Variants in NAB1 observed in about 807,000 individuals in gnomAD.
The protein encoded by NAB1 is NGFI-A-binding protein 1.
A neutral mutation model predicts 49.9 loss-of-function variants in NAB1; 25 were observed. The observed-to-expected ratio is 0.50, with a 90% CI of 0.37 to 0.70. The LOEUF (loss-of-function observed/expected upper bound fraction) is 0.70. NAB1 is among the 30% of genes least tolerant of loss of function. The pLI is 0.00. For synonymous variants in NAB1, 198 were observed against 215.6 expected, an observed-to-expected ratio of 0.92 and a Z score of 0.71; for missense variants, 489 against 575.9, an observed-to-expected ratio of 0.85 and a Z score of 1.54.
At chr2:190,660,273 G>A (rs571436998) in intron 4 of NAB1, among the ~76,000 whole-genome samples, 1 of 152,310 alleles carries the variant, frequency 6.6e-6, no homozygotes, top group Non-Finnish European at 1.5e-5. Context: ...AAAGCGTAAA[G>A]TCTTTGCATT....
Position 190,659,457 on chromosome 2 carries a change from T to C in NAB1, c.281T>C (p.Ile94Thr). The C allele has an allele frequency of 6.2e-7, 1 of 1,614,190 alleles. No individual in the cohort carries two copies. The highest frequency in any genetic ancestry group is 8.5e-7 in the Non-Finnish European group (1 of 1,180,026). ...CTGACTTCCCTTCCTGTCAGTAGCA[T>C]ACCCATCTATAAATTACCAGAGGGA... ...QPLTSLPVSS[I>T]PIYKLPEGSP... The change falls in exon 4 of 10, where the codon ATA becomes ACA. Residue 94 changes from isoleucine (I) to threonine (T), a missense_variant. Transcript: ENST00000337386. The surrounding 1 kb of genome is among the most constrained non-coding windows in gnomAD (Gnocchi z 6.2).
rs1695182549 is a variant in NAB1 at position 190,678,568 on chromosome 2, A to G, written c.1006-5170A>G. Among the ~76,000 whole-genome samples the G allele has an allele frequency of 6.6e-6, 1 of 151,938 alleles. No homozygotes were observed. Among genetic ancestry groups the G allele is most frequent in the Non-Finnish European group, 1.5e-5 (1 of 67,976 alleles). ...GGAGTCAGAGGTGCAAAGCATTCAG[A>G]GATAAGTGGATGAAAGAAATGAGGT... On this transcript the variant is annotated intron_variant, in intron 6 of 9. Coordinates refer to ENST00000337386, the MANE Select transcript of NAB1 (RefSeq NM_005966.4). This position sits in a 1 kb window ranked among gnomAD's most constrained non-coding sequence, Gnocchi z 4.9.
At position 190,673,157 on chromosome 2, in the gene NAB1, G is replaced by A. The variant is rs1694904530; in HGVS notation, c.1005+5G>A. The A allele has an allele frequency of 1.2e-6, 2 of 1,609,794 alleles. No homozygotes were observed. The highest frequency in any genetic ancestry group is 2.7e-5 in the African/African-American group (2 of 74,716). ...CCAAAGAGAATTAAAGTGGAGGTAT[G>A]GTCATATGTTACATTTTCTTATGCT... On this transcript the variant is annotated splice_donor_5th_base_variant and intron_variant, in intron 6 of 9. Transcript: ENST00000337386.
rs149297711 is a variant in NAB1, at chr2:190,659,929, A to G, written c.753A>G (p.Lys251=). The G allele has an allele frequency of 2.9e-4, 472 of 1,614,118 alleles. 2 individuals are homozygous for G. The highest frequency in any genetic ancestry group is 1.5e-4 in the Admixed American group (9 of 59,998). The change falls in exon 4 of 10, where the codon AAA becomes AAG. Residue 251 remains lysine (K), a synonymous_variant. Coordinates refer to ENST00000337386, the MANE Select transcript of NAB1 (RefSeq NM_005966.4). The surrounding 1 kb of genome is among the most constrained non-coding windows in gnomAD (Gnocchi z 6.2). ...DDPHKEEEIR[K]YSAIYGRFDS... ...CACACAAAGAGGAGGAAATTCGGAAATACAGTGCAATATATGGCAGATTTG... is the reference window on the plus strand; with the variant it reads ...CACACAAAGAGGAGGAAATTCGGAAGTACAGTGCAATATATGGCAGATTTG...
chr2:190,658,125 T>A (rs1204063308), intron 3 of NAB1, among the ~76,000 whole-genome samples: 1 of 152,206 alleles, frequency 6.6e-6, no homozygotes, highest in East Asian at 1.9e-4. Flanking sequence ...AAAACAGACT[T>A]CTTTGTCTTG....
At position 190,670,329 on chromosome 2, in the gene NAB1, A is replaced by G; in HGVS notation, c.823A>G (p.Thr275Ala). ...AAACTCTGTTTTGGATATCCAGCTCACTGTTAATGAAGCGGCTGCTCAACT... is the reference window on the plus strand; with the variant it reads ...AAACTCTGTTTTGGATATCCAGCTCGCTGTTAATGAAGCGGCTGCTCAACT... ...DGKHLTLHEL[T>A]VNEAAAQLCV... Residue 275 changes from threonine to alanine, a missense_variant, in exon 5 of 10, where the codon ACT (threonine) becomes GCT (alanine). This residue lies in a region of NAB1 where 38 missense variants were observed against 70.1 expected (regional missense o/e 0.54). Transcript: ENST00000337386. The surrounding 1 kb of genome is among the most constrained non-coding windows in gnomAD (Gnocchi z 5.3). 1 of 1,605,512 alleles carries G rather than the reference A, an allele frequency of 6.2e-7. No homozygotes were observed. Among genetic ancestry groups the G allele is most frequent in the African/African-American group, 1.3e-5 (1 of 74,558 alleles).
rs967692446 is a variant in NAB1, at chr2:190,660,090, A to G, written c.819+95A>G. ...TAATAGTTTGCCACAAATGTGATAC[A>G]CTACCTGAAAGCAGTATTAAAAACA... On this transcript the variant is annotated intron_variant, in intron 4 of 9. Transcript: ENST00000337386. The G allele has an allele frequency of 6.5e-6, 7 of 1,080,894 alleles. No individual in the cohort carries two copies. The African/African-American group carries it at 8.0e-5, about 12-fold the overall frequency. The allele number at this position is 1,080,894 out of a possible 1,614,324, so 67.0% of individuals were successfully genotyped here.
Position 190,691,237 on chromosome 2 carries a change from C to T in NAB1, c.*904C>T, listed in dbSNP as rs116473014. 1 of 147,564 alleles carries T rather than the reference C, an allele frequency of 6.8e-6. No individual in the cohort carries two copies. The highest frequency in any genetic ancestry group is 1.5e-5 in the Non-Finnish European group (1 of 64,966). 9.1% of individuals were successfully genotyped at this position (147,564 alleles called of 1,614,324 possible). A position where few individuals can be genotyped will look rare whatever the true frequency, so the allele number is the denominator to read the frequency against. On this transcript the variant is annotated 3_prime_UTR_variant, in exon 10 of 10. Transcript: ENST00000337386. The surrounding 1 kb of genome is among the most constrained non-coding windows in gnomAD (Gnocchi z 4.1). ...ATGTTATAAAGATGGCGACTGTTAA[C>T]AAAGGCTGTAACAGATTAAGTACTA...
rs1460072174 is a variant in NAB1, at chr2:190,652,372, ATGGT to A, written c.-197+2400_-197+2403del. Among the ~76,000 whole-genome samples the A allele has an allele frequency of 2.0e-5, 3 of 152,172 alleles. No homozygotes were observed. The highest frequency in any genetic ancestry group is 4.8e-5 in the African/African-American group (2 of 41,434). Reference sequence around the variant, plus strand: ...TACTTAATGTTTGTTGAATGACTTGATGGTTGGTTGGTTAAGAATTTCCAGCCAT... The same window carrying A: ...TACTTAATGTTTGTTGAATGACTTGATGGTTGGTTAAGAATTTCCAGCCAT... On this transcript the variant is annotated intron_variant, in intron 2 of 9. Coordinates refer to ENST00000337386, the MANE Select transcript of NAB1 (RefSeq NM_005966.4). The surrounding 1 kb of genome is among the most constrained non-coding windows in gnomAD (Gnocchi z 4.2).
rs545013152 is a variant in NAB1, at chr2:190,650,046, A to C, written c.-197+64A>C. 5.3e-5 allele frequency: 8 copies of C among 152,340 alleles called. No homozygotes were observed. The East Asian group carries it at 1.3e-3, about 26-fold the overall frequency. 9.4% of individuals were successfully genotyped at this position (152,340 alleles called of 1,614,324 possible). A position where few individuals can be genotyped will look rare whatever the true frequency, so the allele number is the denominator to read the frequency against. On this transcript the variant is annotated intron_variant, in intron 2 of 9. Coordinates refer to ENST00000337386, the MANE Select transcript of NAB1 (RefSeq NM_005966.4). ...ATACTATCAAATCTTTGTGGTCTGC[A>C]AACTCAGAGCTTCCAAAGCTTGAGA...
rs561160493 is a variant in NAB1 at position 190,669,583 on chromosome 2, A to G, written c.820-743A>G. Among the ~76,000 whole-genome samples, 14 of 152,318 alleles carry G rather than the reference A, an allele frequency of 9.2e-5. No individual in the cohort carries two copies. Among genetic ancestry groups the G allele is most frequent in the African/African-American group, 3.1e-4 (13 of 41,580 alleles). On this transcript the variant is annotated intron_variant, in intron 4 of 9. Coordinates refer to ENST00000337386, the MANE Select transcript of NAB1 (RefSeq NM_005966.4). The surrounding 1 kb of genome is among the most constrained non-coding windows in gnomAD (Gnocchi z 4.3). ...GGCTAAGTACATCTTTTGCATATTA[A>G]AAAAGTCTGATATACCTCTTGACAG... is the stretch of plus-strand genomic sequence containing the variant.
Position 190,676,884 on chromosome 2 carries a change from AT to A in NAB1, c.1005+3737del, listed in dbSNP as rs1197428628. On this transcript the variant is annotated intron_variant, in intron 6 of 9. Transcript: ENST00000337386. This position sits in a 1 kb window ranked among gnomAD's most constrained non-coding sequence, Gnocchi z 4.6. ...TGGCTTTTTCCATCTTAAAAACATA[AT>A]TTTTACAGGGAACAAAAAGAAATGT... The A allele has an allele frequency of 6.6e-6, 1 of 152,198 alleles. No individual in the cohort carries two copies. Among genetic ancestry groups the A allele is most frequent in the Non-Finnish European group, 1.5e-5 (1 of 68,028 alleles). 9.4% of individuals were successfully genotyped at this position (152,198 alleles called of 1,614,324 possible).
Position 190,659,152 on chromosome 2 carries a change from T to TTG in NAB1, c.-19-6_-19-5insTG. 2.0e-6 allele frequency: 3 copies of TTG among 1,490,624 alleles called. No homozygotes were observed. The highest frequency in any genetic ancestry group is 2.6e-5 in the South Asian group (2 of 76,332). 92.3% of individuals were successfully genotyped at this position (1,490,624 alleles called of 1,614,324 possible). A position where few individuals can be genotyped will look rare whatever the true frequency, so the allele number is the denominator to read the frequency against. On this transcript the variant is annotated splice_region_variant and splice_polypyrimidine_tract_variant and intron_variant, in intron 3 of 9. Coordinates refer to ENST00000337386, the MANE Select transcript of NAB1 (RefSeq NM_005966.4). The surrounding 1 kb of genome is among the most constrained non-coding windows in gnomAD (Gnocchi z 6.2). ...GAGTTTTTACTTTTTTTTTTTTTTTTGGCAGGTTAAACCCATCCAGAGTAA... is the reference window on the plus strand; with the variant it reads ...GAGTTTTTACTTTTTTTTTTTTTTTTTGGGCAGGTTAAACCCATCCAGAGTAA...
In NAB1 at chr2:190,670,429, T is replaced by C; in HGVS notation, c.923T>C (p.Val308Ala). The change falls in exon 5 of 10, where the codon GTC (valine) becomes GCC (alanine). Residue 308 changes from valine (V) to alanine (A), a missense_variant. Coordinates refer to ENST00000337386, the MANE Select transcript of NAB1 (RefSeq NM_005966.4). The surrounding 1 kb of genome is among the most constrained non-coding windows in gnomAD (Gnocchi z 5.3). ...FALARQISRE[V>A]TYKYTYRTTK... ...TTGGCTCGACAGATTTCTCGAGAAGTCACCTATAAATATACTTACAGAACC... is the reference window on the plus strand; with the variant it reads ...TTGGCTCGACAGATTTCTCGAGAAGCCACCTATAAATATACTTACAGAACC... The C allele has an allele frequency of 6.2e-7, 1 of 1,613,972 alleles. No individual in the cohort carries two copies. Among genetic ancestry groups the C allele is most frequent in the East Asian group, 2.2e-5 (1 of 44,864 alleles).
At position 190,670,176 on chromosome 2, in the gene NAB1, G is replaced by C; in HGVS notation, c.820-150G>C. ...GGTTTTCTTCTGAAATTCGGCATTA[G>C]GAATAATTAGGAATAAATACCATTC... is the stretch of plus-strand genomic sequence containing the variant. On this transcript the variant is annotated intron_variant, in intron 4 of 9. Transcript: ENST00000337386. The surrounding 1 kb of genome is among the most constrained non-coding windows in gnomAD (Gnocchi z 5.3). 1.3e-6 allele frequency: 1 copy of C among 750,122 alleles called. No homozygotes were observed. Among genetic ancestry groups the C allele is most frequent in the South Asian group, 2.9e-5 (1 of 34,786 alleles). 46.5% of individuals were successfully genotyped at this position (750,122 alleles called of 1,614,324 possible).
chr2:190,688,545 A>C (rs1482880636), intron 9 of NAB1, among the ~76,000 whole-genome samples: 1 of 152,234 alleles, frequency 6.6e-6, no homozygotes, highest in Non-Finnish European at 1.5e-5. Flanking sequence ...GTGATCTTTA[A>C]AGTTTTTTCA....
rs1423677321 is a variant in NAB1, at chr2:190,677,537, T to G, written c.1005+4385T>G. 1 of 152,228 alleles carries G rather than the reference T, an allele frequency of 6.6e-6. No homozygotes were observed. The highest frequency in any genetic ancestry group is 2.1e-4 in the South Asian group (1 of 4,834). The allele number at this position is 152,228 out of a possible 1,614,324, so 9.4% of individuals were successfully genotyped here. A position where few individuals can be genotyped will look rare whatever the true frequency, so the allele number is the denominator to read the frequency against. ...CTTTCAGCTGAAATGAAAATAGATT[T>G]TGTTTATTCTTACTTATCTTTTGAA... On this transcript the variant is annotated intron_variant, in intron 6 of 9. Transcript: ENST00000337386. This position sits in a 1 kb window ranked among gnomAD's most constrained non-coding sequence, Gnocchi z 5.6.
Position 190,678,964 on chromosome 2 carries a change from G to T in NAB1, c.1006-4774G>T, listed in dbSNP as rs890617186. 1.3e-5 allele frequency among the ~76,000 whole-genome samples: 2 copies of T among 152,214 alleles called. No individual in the cohort carries two copies. The highest frequency in any genetic ancestry group is 1.3e-4 in the Admixed American group (2 of 15,288). ...AGTGTTCGGCAGAAAGGATGAGGAG[G>T]CATGGGGATGGAGACCAATGGGATG... On this transcript the variant is annotated intron_variant, in intron 6 of 9. Transcript: ENST00000337386. This position sits in a 1 kb window ranked among gnomAD's most constrained non-coding sequence, Gnocchi z 4.9.
At chr2:190,656,504 C>T (rs1050032086) in intron 3 of NAB1, among the ~76,000 whole-genome samples, 2 of 152,090 alleles carry the variant, frequency 1.3e-5, no homozygotes, top group African/African-American at 4.8e-5. Flanking sequence ...CTCCAGGGAC[C>T]GAATTGGTTA....
Sources: allele counts gnomAD v4.1 joint callset (sites outside exome capture counted in the v4.1 genomes callset), GRCh38; gene constraint gnomAD v4.1.1; regional missense constraint gnomAD v4.1.1; non-coding constraint Gnocchi (gnomAD v3.1); transcripts MANE v1.5; gene names NCBI Gene and HGNC (gene_info 2026-07-23, HGNC 2026-07-21).